The following PIP5K1A variants were observed in gnomAD, a reference collection of about 807,000 sequenced individuals.
PIP5K1A encodes the protein phosphatidylinositol-4-phosphate 5-kinase type 1 alpha.
A neutral mutation model predicts 72.9 loss-of-function variants in PIP5K1A; 46 were observed. That is an observed-to-expected ratio of 0.63 (90% confidence interval 0.50 to 0.81). PIP5K1A has a LOEUF of 0.81. Ranked by LOEUF, PIP5K1A falls within the 30% of genes least tolerant of loss-of-function variation. The probability of loss-of-function intolerance (pLI) is 0.00; values close to 1 mark genes in which losing one functional copy is unlikely to be tolerated. For synonymous variants in PIP5K1A, 228 were observed against 255.1 expected, an observed-to-expected ratio of 0.89 and a Z score of 1.01; for missense variants, 458 against 706.1, an observed-to-expected ratio of 0.65 and a Z score of 3.98.
At chr1:151,238,461 T>C in intron 10 of PIP5K1A, 196 bp downstream of exon 10, 1 of 547,630 alleles carries the variant, frequency 1.8e-6, no homozygotes, top group South Asian at 2.0e-5. Context: ...TAACCCTTCC[T>C]CCCCCATCTC....
intron 1 of PIP5K1A, among the ~76,000 whole-genome samples, chr1:151,220,489 A>G (rs1254219376): frequency 6.7e-6 from 1 of 150,270 alleles, no homozygotes; most frequent in Admixed American, 6.6e-5. Flanking sequence ...TTTTTTTAAG[A>G]CAGGATTTCA....
At chr1:151,223,695 T>TA (rs1268584044) in intron 1 of PIP5K1A, among the ~76,000 whole-genome samples, 9 of 129,938 alleles carry the variant, frequency 6.9e-5, no homozygotes, top group Non-Finnish European at 9.9e-5. Flanking sequence ...AAATAAAAAT[T>TA]AAAAAAAAAG....
At chr1:151,223,332 C>T (rs1352078493) in intron 1 of PIP5K1A, among the ~76,000 whole-genome samples, 2 of 138,194 alleles carry the variant, frequency 1.4e-5, no homozygotes, top group African/African-American at 5.5e-5. Flanking sequence ...CCTCGGTGAC[C>T]AGCAAAACTC....
intron 15 of PIP5K1A, among the ~76,000 whole-genome samples, chr1:151,247,429 C>T (rs926824904): frequency 1.3e-5 from 2 of 150,782 alleles, no homozygotes; most frequent in South Asian, 2.1e-4. Context: ...ACCCAGCCAT[C>T]GTGTTTGTGT....
At chr1:151,202,925 A>G (rs991228962) in intron 1 of PIP5K1A, among the ~76,000 whole-genome samples, 1 of 151,776 alleles carries the variant, frequency 6.6e-6, no homozygotes, top group East Asian at 1.9e-4. Flanking sequence ...GGCACCTGCC[A>G]CGTCTGGCTA....
At position 151,210,583 on chromosome 1, in the gene PIP5K1A, G is replaced by A. The variant is rs1285389259; in HGVS notation, c.85+11502G>A. Among the ~76,000 whole-genome samples the A allele has an allele frequency of 2.6e-5, 4 of 151,808 alleles. No homozygotes were observed. In the East Asian group the frequency reaches 7.7e-4, roughly 29 times the overall value. ...CTTTGTGCTCTATGTAGGAACTATTGACATACATATATATTTTTTGAGATG... is the reference window on the plus strand; with the variant it reads ...CTTTGTGCTCTATGTAGGAACTATTAACATACATATATATTTTTTGAGATG... On this transcript the variant is annotated intron_variant, in intron 1 of 15. Coordinates refer to ENST00000368888, the MANE Select transcript of PIP5K1A (RefSeq NM_001135638.2).
Position 151,232,254 on chromosome 1 carries a change from G to C in PIP5K1A, c.375G>C (p.Gly125=). The C allele has an allele frequency of 6.2e-7, 1 of 1,611,316 alleles. No individual in the cohort carries two copies. The highest frequency in any genetic ancestry group is 1.1e-5 in the South Asian group (1 of 91,036). ...CCTCTGTTTAACCCCACAGTGAAGG[G>C]AGCAACCTGACCCCTGCTCATCACT... ...VVESIFFPSE[G]SNLTPAHHYN... is the part of the protein sequence containing the mutation. The change falls in exon 6 of 16, where the codon GGG becomes GGC. Residue 125 remains glycine, a synonymous_variant. Coordinates refer to ENST00000368888, the MANE Select transcript of PIP5K1A (RefSeq NM_001135638.2).
In PIP5K1A at chr1:151,237,607, C is replaced by T. The variant is rs924925415; in HGVS notation, c.1146-575C>T. 2.0e-5 allele frequency among the ~76,000 whole-genome samples: 3 copies of T among 151,994 alleles called. No individual in the cohort carries two copies. In the East Asian group the frequency reaches 5.8e-4, roughly 29 times the overall value. On this transcript the variant is annotated intron_variant, in intron 9 of 15. Coordinates refer to ENST00000368888, the MANE Select transcript of PIP5K1A (RefSeq NM_001135638.2). ...CCCAGGAGGTCAAGGCTGCAGTGAGCCACTGTACATGCCACTGCACTCCAG... is the reference window on the plus strand; with the variant it reads ...CCCAGGAGGTCAAGGCTGCAGTGAGTCACTGTACATGCCACTGCACTCCAG...
intron 14 of PIP5K1A, among the ~76,000 whole-genome samples, 197 bp from the exon 15 acceptor site, chr1:151,246,723 T>C (rs1692563198): frequency 1.3e-5 from 2 of 152,194 alleles, no homozygotes; most frequent in Non-Finnish European, 2.9e-5. Flanking sequence ...AAATATTTTA[T>C]AGTATTCAAG....
chr1:151,224,518 G>A (rs1039342344), intron 3 of PIP5K1A, 112 bp downstream of exon 3: 2 of 788,028 alleles, frequency 2.5e-6, no homozygotes, highest in Non-Finnish European at 4.3e-6. Flanking sequence ...ATACCAAAAA[G>A]TAAATACTGT....
intron 4 of PIP5K1A, among the ~76,000 whole-genome samples, chr1:151,231,133 G>A (rs1256700710): frequency 1.3e-5 from 2 of 151,564 alleles, no homozygotes; most frequent in African/African-American, 4.9e-5. Context: ...CTTGAACCGG[G>A]GAGGCAAAGT....
rs1333181668 is a variant in PIP5K1A, at chr1:151,238,612, C to T, written c.1229+347C>T. The T allele has an allele frequency of 9.4e-5, 25 of 265,470 alleles. No homozygotes were observed. The Admixed American group carries it at 1.2e-3, about 13-fold the overall frequency. The allele number at this position is 265,470 out of a possible 1,614,324, so 16.4% of individuals were successfully genotyped here. A position where few individuals can be genotyped will look rare whatever the true frequency, so the allele number is the denominator to read the frequency against. On this transcript the variant is annotated intron_variant, in intron 10 of 15. Coordinates refer to ENST00000368888, the MANE Select transcript of PIP5K1A (RefSeq NM_001135638.2). ...CATGGGGATACAACTGGAAACGTTA[C>T]CCTTTTCCAAGGAGGAAAAACAGGA...
intron 1 of PIP5K1A, among the ~76,000 whole-genome samples, chr1:151,222,929 G>T (rs961947346): frequency 6.6e-6 from 1 of 152,120 alleles, no homozygotes; most frequent in African/African-American, 2.4e-5. Flanking sequence ...TGCGTCACAC[G>T]TAATGGCCAG....
chr1:151,219,330 G>A (rs919881979), intron 1 of PIP5K1A, among the ~76,000 whole-genome samples: 2 of 147,070 alleles, frequency 1.4e-5, no homozygotes, highest in Non-Finnish European at 3.0e-5. Flanking sequence ...GCAGTGAGCC[G>A]ACATCGTGCC....
chr1:151,248,471 G>A lies in PIP5K1A; in HGVS notation c.*606G>A, dbSNP rs1692796443. On this transcript the variant is annotated 3_prime_UTR_variant, in exon 16 of 16. Coordinates refer to ENST00000368888, the MANE Select transcript of PIP5K1A (RefSeq NM_001135638.2). ...TTCAGATCAGAACTCCAGAAGTGTT[G>A]ACAAGATGCCTATTCGTAGAGTTCC... 6.6e-6 allele frequency: 1 copy of A among 152,136 alleles called. No individual in the cohort carries two copies. The highest frequency in any genetic ancestry group is 1.5e-5 in the Non-Finnish European group (1 of 68,088). 9.4% of individuals were successfully genotyped at this position (152,136 alleles called of 1,614,324 possible).
intron 1 of PIP5K1A, chr1:151,224,017 T>G (rs973108159): frequency 8.9e-6 from 5 of 561,700 alleles, no homozygotes; most frequent in Non-Finnish European, 1.6e-5. Context: ...GATATTTGAA[T>G]AAGAAAGGGG....
At chr1:151,228,091 C>T (rs771580779) in intron 4 of PIP5K1A, among the ~76,000 whole-genome samples, 7 of 152,112 alleles carry the variant, frequency 4.6e-5, no homozygotes, top group Non-Finnish European at 1.0e-4. Context: ...CAGGTCCCAG[C>T]CCAGCCTGTT....
At chr1:151,213,867 A>T (rs1687208787) in intron 1 of PIP5K1A, among the ~76,000 whole-genome samples, 1 of 152,208 alleles carries the variant, frequency 6.6e-6, no homozygotes, top group Non-Finnish European at 1.5e-5. Flanking sequence ...TAACATACAC[A>T]TTAAAATATT....
chr1:151,236,604 T>A lies in PIP5K1A; in HGVS notation c.986T>A (p.Ile329Asn). The A allele has an allele frequency of 6.2e-7, 1 of 1,612,756 alleles. No homozygotes were observed. The highest frequency in any genetic ancestry group is 8.5e-7 in the Non-Finnish European group (1 of 1,178,882). The change falls in exon 9 of 16, where the codon ATC becomes AAC. Residue 329 changes from isoleucine (I) to asparagine (N), a missense_variant. By Grantham distance (149) the Ile-to-Asn change is moderately radical. Around this residue, in one of 3 missense-constraint regions of PIP5K1A, gnomAD observed 220 missense variants for 442.6 expected, o/e 0.50. Transcript: ENST00000368888. ...ATGGATTACAGCCTCTTGATGTCAA[T>A]CCATAATATAGATCATGCACAACGA... Reference protein sequence around the residue: ...KIMDYSLLMSIHNIDHAQREP... With the variant: ...KIMDYSLLMSNHNIDHAQREP...
Sources: gnomAD v4.1 joint callset for allele counts (sites outside exome capture counted in the v4.1 genomes callset) on GRCh38, gnomAD v4.1.1 for gene constraint, gnomAD v4.1.1 regional missense constraint, MANE v1.5 for transcripts, NCBI Gene and HGNC (gene_info 2026-07-23, HGNC 2026-07-21) for gene names.